KIF26B: variants seen among roughly 807,000 people sequenced by gnomAD.
KIF26B encodes kinesin-like protein KIF26B.
A neutral mutation model predicts 151.2 loss-of-function variants in KIF26B; 63 were observed. The observed-to-expected ratio is 0.42, with a 90% CI of 0.34 to 0.51. KIF26B has a LOEUF of 0.51. Ranked by LOEUF, KIF26B falls within the 20% of genes least tolerant of loss-of-function variation. The probability of loss-of-function intolerance (pLI) is 0.07; values close to 1 mark genes in which losing one functional copy is unlikely to be tolerated. For missense variants in KIF26B, 2,813 were observed against 2,913.6 expected (o/e 0.97, Z 0.79); for synonymous variants, 1,357 against 1,262.1 (o/e 1.08, Z -1.59).
intron 2 of KIF26B, among the ~76,000 whole-genome samples, chr1:245,261,022 CCTCT>C (rs1015819486): frequency 2.7e-5 from 4 of 148,490 alleles, no homozygotes; most frequent in Non-Finnish European, 4.5e-5. Context: ...CTCCTTCCTT[CCTCT>C]CTGTCTTTCT....
chr1:245,322,623 A>G (rs1671911872), intron 2 of KIF26B, among the ~76,000 whole-genome samples: 1 of 152,176 alleles, frequency 6.6e-6, no homozygotes, highest in Admixed American at 6.6e-5. Context: ...GATGTTTAAC[A>G]ACTGATTACC....
chr1:245,424,587 T>C (rs1658576377), intron 4 of KIF26B, among the ~76,000 whole-genome samples: 1 of 152,192 alleles, frequency 6.6e-6, no homozygotes, highest in Non-Finnish European at 1.5e-5. Flanking sequence ...GCCTATAAAA[T>C]AAGAATTTCA....
At chr1:245,619,217 G>T (rs529486807) in intron 9 of KIF26B, among the ~76,000 whole-genome samples, 45 of 142,768 alleles carry the variant, frequency 3.2e-4, no homozygotes, top group African/African-American at 1.1e-3. Flanking sequence ...GCTGCGTGCT[G>T]TTGGTGAGCT....
In KIF26B at chr1:245,686,743, A is replaced by G; in HGVS notation, c.3760A>G (p.Thr1254Ala). 2 of 1,613,630 alleles carry G rather than the reference A, an allele frequency of 1.2e-6. No homozygotes were observed. The change falls in exon 12 of 15, where the codon ACA (threonine) becomes GCA (alanine). Residue 1254 changes from threonine to alanine, a missense_variant. Around this residue, in one of 3 missense-constraint regions of KIF26B, gnomAD observed 2,060 missense variants for 2,088.6 expected, o/e 0.99. Transcript: ENST00000407071. This position sits in a 1 kb window ranked among gnomAD's most constrained non-coding sequence, Gnocchi z 5.6. ...GGCCCCCGTCTCCGAGGTCAGCATC[A>G]CACAGTTCTTGCCCCTCCCGAAGAT... Reference protein sequence around the residue: ...STAPVSEVSITQFLPLPKMSL... With the variant: ...STAPVSEVSIAQFLPLPKMSL...
chr1:245,574,966 G>A (rs372844193), intron 5 of KIF26B, among the ~76,000 whole-genome samples: 8 of 146,352 alleles, frequency 5.5e-5, no homozygotes, highest in Admixed American at 2.1e-4. Context: ...CCGGGTTCAC[G>A]CCATTCTCCT....
intron 2 of KIF26B, among the ~76,000 whole-genome samples, chr1:245,231,720 C>T (rs747253212): frequency 1.2e-4 from 19 of 152,024 alleles, no homozygotes; most frequent in Non-Finnish European, 2.4e-4. Context: ...AGAAAACAAA[C>T]CTCTGGGCCT....
chr1:245,496,100 A>G (rs552344543), intron 4 of KIF26B, among the ~76,000 whole-genome samples: 1 of 152,370 alleles, frequency 6.6e-6, no homozygotes, highest in Admixed American at 6.5e-5. Context: ...AAATGATCCC[A>G]GAAATGCAGG....
intron 4 of KIF26B, among the ~76,000 whole-genome samples, chr1:245,441,279 A>ACCT (rs1270956085): frequency 6.6e-6 from 1 of 152,212 alleles, no homozygotes; most frequent in Non-Finnish European, 1.5e-5. Flanking sequence ...AGATGCAGGA[A>ACCT]GCCTGATAGC....
intron 3 of KIF26B, among the ~76,000 whole-genome samples, chr1:245,368,400 G>A (rs920679534): frequency 6.6e-6 from 1 of 152,186 alleles, no homozygotes; most frequent in African/African-American, 2.4e-5. Context: ...GTGGGAAGCA[G>A]CAGAGAGCAT....
At chr1:245,433,786 T>G (rs2103043011) in intron 4 of KIF26B, among the ~76,000 whole-genome samples, 1 of 152,250 alleles carries the variant, frequency 6.6e-6, no homozygotes, top group East Asian at 1.9e-4. Flanking sequence ...ATTCCGGAAA[T>G]ATAATTTCAA....
At chr1:245,261,536 T>A (rs1670645492) in intron 2 of KIF26B, among the ~76,000 whole-genome samples, 1 of 124,100 alleles carries the variant, frequency 8.1e-6, no homozygotes, top group African/African-American at 3.0e-5. Context: ...TCTCCCTCTC[T>A]CCCCCTCTCT....
intron 2 of KIF26B, among the ~76,000 whole-genome samples, chr1:245,195,189 C>T (rs1027071519): frequency 1.3e-5 from 2 of 152,188 alleles, no homozygotes; most frequent in Non-Finnish European, 2.9e-5. Context: ...TTTTCTCCAC[C>T]TGCCACCTAG....
intron 2 of KIF26B, among the ~76,000 whole-genome samples, chr1:245,295,841 G>T (rs1671327543): frequency 6.6e-6 from 1 of 152,164 alleles, no homozygotes; most frequent in African/African-American, 2.4e-5. Context: ...CATTCTGAGG[G>T]TGGCTTGGGT....
chr1:245,400,488 GT>G (rs11407193), intron 3 of KIF26B, among the ~76,000 whole-genome samples: 412 of 123,812 alleles, frequency 3.3e-3, no homozygotes, highest in Non-Finnish European at 4.0e-3. Flanking sequence ...TAGATAGTGA[GT>G]TTTTTTTTTT....
intron 4 of KIF26B, among the ~76,000 whole-genome samples, chr1:245,428,703 A>AATGT (rs1434086779): frequency 6.6e-6 from 1 of 152,020 alleles, no homozygotes; most frequent in Non-Finnish European, 1.5e-5. Context: ...TGCTGCAGGG[A>AATGT]ATGTGGTCAG....
chr1:245,520,599 TCCAC>T (rs1211337795), intron 4 of KIF26B, among the ~76,000 whole-genome samples: 3,083 of 97,032 alleles, frequency 0.032, 69 homozygotes, highest in East Asian at 0.098. Flanking sequence ...CATCCATCCA[TCCAC>T]CCACCCACCC....
chr1:245,524,781 G>A (rs927906637), intron 4 of KIF26B, among the ~76,000 whole-genome samples: 1 of 152,006 alleles, frequency 6.6e-6, no homozygotes. Flanking sequence ...TTTCTCAAAA[G>A]AATAGCCGAG....
Position 245,623,993 on chromosome 1 carries a change from GA to G in KIF26B, c.2098+12018del, listed in dbSNP as rs1213122097. ...GGGAGGTGATTACATCATGAGGATG[GA>G]TGTCCCCCATGCTGTTCTCATCATA... On this transcript the variant is annotated intron_variant, in intron 9 of 14. Transcript: ENST00000407071. Among the ~76,000 whole-genome samples, 26 of 152,188 alleles carry G rather than the reference GA, an allele frequency of 1.7e-4. 1 individual carries two copies. The South Asian group carries it at 3.1e-3, about 18-fold the overall frequency.
chr1:245,563,405 G>C lies in KIF26B; in HGVS notation c.1350+22455G>C, dbSNP rs1010612730. Among the ~76,000 whole-genome samples, 3 of 152,230 alleles carry C rather than the reference G, an allele frequency of 2.0e-5. No individual in the cohort carries two copies. Among genetic ancestry groups the C allele is most frequent in the Middle Eastern group, 3.4e-3 (1 of 294 alleles). On this transcript the variant is annotated intron_variant, in intron 5 of 14. Coordinates refer to ENST00000407071, the MANE Select transcript of KIF26B (RefSeq NM_018012.4). This position sits in a 1 kb window ranked among gnomAD's most constrained non-coding sequence, Gnocchi z 4.6. ...GGTTCTATCTTCTCAAGGATCACTG[G>C]TCTTTCGCATATACCCTCTTGCTCC... is the stretch of plus-strand genomic sequence containing the variant.
Sources: gnomAD v4.1 joint callset for allele counts (sites outside exome capture counted in the v4.1 genomes callset) on GRCh38, gnomAD v4.1.1 for gene constraint, gnomAD v4.1.1 regional missense constraint, Gnocchi (gnomAD v3.1) non-coding constraint, MANE v1.5 for transcripts, NCBI Gene and HGNC (gene_info 2026-07-23, HGNC 2026-07-21) for gene names.